ERBB4: variants seen among roughly 807,000 people sequenced by gnomAD.
ERBB4 encodes the protein erb-b2 receptor tyrosine kinase 4.
A neutral mutation model predicts 158.0 loss-of-function variants in ERBB4; 42 were observed. That is an observed-to-expected ratio of 0.27 (90% CI 0.21 to 0.34). The LOEUF (loss-of-function observed/expected upper bound fraction) is 0.34, where lower values mean the gene tolerates loss of function less well. ERBB4 is among the 10% of genes least tolerant of loss of function. The pLI, the probability that ERBB4 is intolerant of heterozygous loss-of-function variation, is 1.00. For missense variants in ERBB4, 1,333 were observed against 1,624.1 expected (o/e 0.82, Z 3.08); for synonymous variants, 583 against 558.7 (o/e 1.04, Z -0.61).
chr2:211,902,649 G>A (rs2079267334), intron 3 of ERBB4, among the ~76,000 whole-genome samples: 1 of 151,530 alleles, frequency 6.6e-6, no homozygotes, highest in Non-Finnish European at 1.5e-5. Flanking sequence ...AAAGTATTGA[G>A]AAGCAAATTT....
chr2:212,208,878 T>G (rs2082846288), intron 1 of ERBB4, among the ~76,000 whole-genome samples: 1 of 152,176 alleles, frequency 6.6e-6, no homozygotes, highest in South Asian at 2.1e-4. Context: ...AATATACAGC[T>G]TAAGGACCTT....
At chr2:211,479,199 C>T (rs1208110648) in intron 20 of ERBB4, among the ~76,000 whole-genome samples, 3 of 152,096 alleles carry the variant, frequency 2.0e-5, no homozygotes, top group East Asian at 3.9e-4. Flanking sequence ...TAGCACTTTC[C>T]CAGGGGGTGC....
intron 1 of ERBB4, among the ~76,000 whole-genome samples, chr2:212,221,110 G>A (rs1009105034): frequency 7.3e-5 from 11 of 151,310 alleles, no homozygotes; most frequent in Admixed American, 4.0e-4. Flanking sequence ...CATGAAACAG[G>A]GGGTGGTTTT....
chr2:211,489,233 A>C (rs2065278763), intron 20 of ERBB4, among the ~76,000 whole-genome samples: 1 of 152,056 alleles, frequency 6.6e-6, no homozygotes, highest in Non-Finnish European at 1.5e-5. Context: ...AATAAGAATA[A>C]ATGGATAATA....
chr2:212,458,903 G>C (rs1289551711), intron 1 of ERBB4, among the ~76,000 whole-genome samples: 1 of 152,122 alleles, frequency 6.6e-6, no homozygotes, highest in Non-Finnish European at 1.5e-5. Context: ...GTTCATGTTT[G>C]GACCCATTGT....
chr2:212,527,867 C>A (rs1203742527), intron 1 of ERBB4, among the ~76,000 whole-genome samples: 1 of 111,436 alleles, frequency 9.0e-6, no homozygotes, highest in African/African-American at 3.5e-5. Context: ...CCCCACCCCA[C>A]AACAGTCCCC....
chr2:211,842,358 CT>C (rs34437497), intron 3 of ERBB4, among the ~76,000 whole-genome samples: 31,292 of 148,318 alleles, frequency 0.21, 3,462 homozygotes, highest in South Asian at 0.32. Context: ...TACGTTTCCA[CT>C]TTTTTTTTCT....
At chr2:211,841,551 G>A (rs989136926) in intron 3 of ERBB4, among the ~76,000 whole-genome samples, 2 of 151,714 alleles carry the variant, frequency 1.3e-5, no homozygotes, top group African/African-American at 4.8e-5. Context: ...ATAGTATAAG[G>A]ATTATATATT....
At chr2:212,008,894 T>C (rs1055207563) in intron 2 of ERBB4, among the ~76,000 whole-genome samples, 1 of 152,150 alleles carries the variant, frequency 6.6e-6, no homozygotes, top group South Asian at 2.1e-4. Context: ...TGCTCTGACT[T>C]AGAGAACAAG....
At chr2:211,598,543 A>T (rs1485432660) in intron 19 of ERBB4, among the ~76,000 whole-genome samples, 2 of 152,190 alleles carry the variant, frequency 1.3e-5, no homozygotes, top group Non-Finnish European at 2.9e-5. Flanking sequence ...TGTGGTTTCA[A>T]CTAGTTAGTA....
At position 212,060,511 on chromosome 2, in the gene ERBB4, G is replaced by GT. The variant is rs1185941669; in HGVS notation, c.234+64240dup. Among the ~76,000 whole-genome samples, 8 of 150,094 alleles carry GT rather than the reference G, an allele frequency of 5.3e-5. No homozygotes were observed. In the South Asian group the frequency reaches 1.7e-3, roughly 33 times the overall value. On this transcript the variant is annotated intron_variant, in intron 2 of 27. Transcript: ENST00000342788. Reference sequence around the variant, plus strand: ...TGCTGCTATAAAGACACATGCACACGTATGTTTATTGCGGCACTATTCACA... The same window carrying GT: ...TGCTGCTATAAAGACACATGCACACGTTATGTTTATTGCGGCACTATTCACA...
intron 3 of ERBB4, among the ~76,000 whole-genome samples, chr2:211,845,696 G>A (rs950960940): frequency 2.0e-5 from 3 of 151,960 alleles, no homozygotes; most frequent in African/African-American, 7.2e-5. Flanking sequence ...CAATTTTCTG[G>A]GAAAAAAAGA....
At chr2:211,785,116 TTTTTGAGACGGAGTC>T (rs1389715309) in intron 4 of ERBB4, among the ~76,000 whole-genome samples, 2 of 151,170 alleles carry the variant, frequency 1.3e-5, no homozygotes, top group Admixed American at 1.3e-4. Flanking sequence ...TTTTTTTTAT[TTTTTGAGACGGAGTC>T]TCACTCTGTC....
chr2:211,964,580 C>G (rs2081264510), intron 2 of ERBB4, among the ~76,000 whole-genome samples: 1 of 152,172 alleles, frequency 6.6e-6, no homozygotes, highest in African/African-American at 2.4e-5. Flanking sequence ...AACTTGTTCT[C>G]TTAATCCTCC....
chr2:212,163,726 G>A (rs2081269666), intron 1 of ERBB4, among the ~76,000 whole-genome samples: 2 of 151,950 alleles, frequency 1.3e-5, no homozygotes, highest in South Asian at 2.1e-4. Context: ...TATATAGCTT[G>A]TGCCTTTCCA....
chr2:212,119,830 A>G (rs779416204), intron 2 of ERBB4, among the ~76,000 whole-genome samples: 10 of 152,196 alleles, frequency 6.6e-5, no homozygotes, highest in Non-Finnish European at 1.2e-4. Flanking sequence ...ATTTAAAAGC[A>G]TTTCAACAAA....
rs113852822 is a variant in ERBB4, at chr2:211,547,456, G to GA, written c.2487+14446dup. Among the ~76,000 whole-genome samples the GA allele has an allele frequency of 3.8e-3, 571 of 151,998 alleles. 4 individuals carry two copies. Among genetic ancestry groups the GA allele is most frequent in the African/African-American group, 0.013 (547 of 41,490 alleles). On this transcript the variant is annotated intron_variant, in intron 20 of 27. Transcript: ENST00000342788. ...ACTATAAACATCTTGAAATCTGTGGGAAAAATAAAATCGCATGCACACACC... is the reference window on the plus strand; with the variant it reads ...ACTATAAACATCTTGAAATCTGTGGGAAAAAATAAAATCGCATGCACACACC...
rs546190342 is a variant in ERBB4, at chr2:212,302,751, T to C, written c.83-177848A>G. On this transcript the variant is annotated intron_variant, in intron 1 of 27. Coordinates refer to ENST00000342788, the MANE Select transcript of ERBB4 (RefSeq NM_005235.3). ...AATATTTTAGATTTGCCTAAGTAAT[T>C]AGTGGGATTTTATTTTAAGATAGCA... Among the ~76,000 whole-genome samples, 3 of 151,642 alleles carry C rather than the reference T, an allele frequency of 2.0e-5. No individual in the cohort carries two copies. The South Asian group carries it at 6.2e-4, about 31-fold the overall frequency.
chr2:212,520,259 A>G (rs1177830829), intron 1 of ERBB4, among the ~76,000 whole-genome samples: 3 of 151,922 alleles, frequency 2.0e-5, no homozygotes, highest in Non-Finnish European at 4.4e-5. Flanking sequence ...TAATACTCCA[A>G]TTTATTGCTT....
Sources: gnomAD v4.1 joint callset for allele counts (sites outside exome capture counted in the v4.1 genomes callset) on GRCh38, gnomAD v4.1.1 for gene constraint, MANE v1.5 for transcripts, NCBI Gene and HGNC (gene_info 2026-07-23, HGNC 2026-07-21) for gene names.